LAMC2: variants seen among roughly 807,000 people sequenced by gnomAD.
LAMC2 encodes the protein laminin subunit gamma-2.
LAMC2 carries 97 observed loss-of-function variants against 140.2 expected under a neutral mutation model. The ratio of observed to expected loss-of-function variants is 0.69; its 90% confidence interval spans 0.59 to 0.82. LAMC2 has a LOEUF of 0.82. Among genes scored for constraint, LAMC2 ranks in the 40% least tolerant of loss-of-function variants. The pLI is 0.00. For missense variants in LAMC2, 1,402 were observed against 1,476.1 expected, an observed-to-expected ratio of 0.95 and a Z score of 0.82; for synonymous variants, 513 against 540.2, an observed-to-expected ratio of 0.95 and a Z score of 0.70.
Position 183,187,151 on chromosome 1 carries a change from A to G in LAMC2, c.79+720A>G, listed in dbSNP as rs115381021. On this transcript the variant is annotated intron_variant, in intron 1 of 22. Coordinates refer to ENST00000264144, the MANE Select transcript of LAMC2 (RefSeq NM_005562.3). ...GGTGTTTTCCTTGTCACTTAGTTCT[A>G]TGGATATATGCCTGTATAATTGCCC... Among the ~76,000 whole-genome samples the G allele has an allele frequency of 6.1e-3, 928 of 152,298 alleles. 8 individuals are homozygous for G. The highest frequency in any genetic ancestry group is 0.021 in the African/African-American group (877 of 41,572).
At chr1:183,193,996 G>C (rs927206860) in intron 1 of LAMC2, among the ~76,000 whole-genome samples, 2 of 152,154 alleles carry the variant, frequency 1.3e-5, no homozygotes, top group Non-Finnish European at 2.9e-5. Flanking sequence ...GAGTGCAGTG[G>C]TGCAATCTTG....
chr1:183,218,649 A>G (rs1010629959), intron 4 of LAMC2, among the ~76,000 whole-genome samples, 161 bp downstream of exon 4: 86 of 152,290 alleles, frequency 5.6e-4, no homozygotes, highest in African/African-American at 2.0e-3. Flanking sequence ...TACAACAACA[A>G]CAGCAAAAAC....
rs1179315857 is a variant in LAMC2 at position 183,235,748 on chromosome 1, C to T, written c.2456+18C>T. On this transcript the variant is annotated intron_variant, in intron 16 of 22. Transcript: ENST00000264144. ...GTGGAAAAGTACGTTCCTACGGGTC[C>T]TCCCGTGGCTCATTATACCTTGGAT... 2 of 1,613,228 alleles carry T rather than the reference C, an allele frequency of 1.2e-6. No homozygotes were observed. Among genetic ancestry groups the T allele is most frequent in the African/African-American group, 2.7e-5 (2 of 74,888 alleles).
downstream of LAMC2, chr1:183,249,517 C>G (rs986414561): frequency 1.3e-5 from 2 of 152,284 alleles, no homozygotes; most frequent in Admixed American, 6.5e-5. Flanking sequence ...GGAACAGGAC[C>G]CCAGAGACAA....
At chr1:183,239,832 G>C in intron 20 of LAMC2, 1 of 667,156 alleles carries the variant, frequency 1.5e-6, no homozygotes, top group Non-Finnish European at 2.6e-6. Context: ...TCTGGCCGCT[G>C]ACCTTCCTAG....
chr1:183,235,722 T>C lies in LAMC2; in HGVS notation c.2448T>C (p.Leu816=), dbSNP rs930602608. ...CGGACGGTGCTGTGGTGCAAGGGCT[T>C]GTGGAAAAGTACGTTCCTACGGGTC... ...GSPDGAVVQG[L]VEKLEKTKSL... is the part of the protein sequence containing the mutation. The change falls in exon 16 of 23, where the codon CTT becomes CTC. Residue 816 remains leucine (L), a synonymous_variant. Transcript: ENST00000264144. 3 of 1,614,112 alleles carry C rather than the reference T, an allele frequency of 1.9e-6. No homozygotes were observed. Among genetic ancestry groups the C allele is most frequent in the East Asian group, 2.2e-5 (1 of 44,880 alleles).
chr1:183,192,028 A>T (rs1030183345), intron 1 of LAMC2, among the ~76,000 whole-genome samples: 4 of 152,208 alleles, frequency 2.6e-5, no homozygotes, highest in African/African-American at 7.2e-5. Flanking sequence ...GCCAAAGGCT[A>T]AGTCTTTTCT....
intron 20 of LAMC2, 190 bp from the exon 21 acceptor site, chr1:183,239,850 C>T: frequency 1.4e-6 from 1 of 707,738 alleles, no homozygotes. Context: ...TAGTCATACC[C>T]CCAGATTAGC....
At chr1:183,238,862 G>A (rs1660044594) in intron 19 of LAMC2, among the ~76,000 whole-genome samples, 1 of 152,172 alleles carries the variant, frequency 6.6e-6, no homozygotes, top group South Asian at 2.1e-4. Context: ...TGATAACAGA[G>A]CAACCTTTGT....
At chr1:183,230,538 C>G (rs1659766595) in intron 11 of LAMC2, among the ~76,000 whole-genome samples, 1 of 152,208 alleles carries the variant, frequency 6.6e-6, no homozygotes, top group Admixed American at 6.5e-5. Context: ...TCTGCCTGAC[C>G]TCTCATTGTA....
chr1:183,232,494 C>G (rs991630525), intron 13 of LAMC2, 151 bp downstream of exon 13: 11 of 1,109,638 alleles, frequency 9.9e-6, no homozygotes, highest in Non-Finnish European at 1.5e-5. Flanking sequence ...TGTGGCATTC[C>G]CCCTGGGATC....
chr1:183,235,823 T>TA, intron 16 of LAMC2, 93 bp downstream of exon 16: 6 of 1,264,306 alleles, frequency 4.7e-6, no homozygotes, highest in South Asian at 1.3e-5. Context: ...ATGCTAGTTG[T>TA]AAAAAACATA....
At chr1:183,238,517 A>G (rs1660034983) in intron 19 of LAMC2, 96 bp downstream of exon 19, 1 of 780,962 alleles carries the variant, frequency 1.3e-6, no homozygotes, top group Non-Finnish European at 2.3e-6. Context: ...AGTGGCAGGT[A>G]TATTGGGATA....
At chr1:183,232,880 T>C in intron 14 of LAMC2, 23 bp downstream of exon 14, 1 of 1,609,764 alleles carries the variant, frequency 6.2e-7, no homozygotes, top group African/African-American at 1.3e-5. Context: ...TGGGCTAGAG[T>C]ATTGAGAATA....
intron 1 of LAMC2, among the ~76,000 whole-genome samples, chr1:183,206,537 T>A (rs1658890421): frequency 6.6e-6 from 1 of 151,010 alleles, no homozygotes; most frequent in South Asian, 2.1e-4. Context: ...CCCAGCTACT[T>A]GGGAGGCTGA....
At chr1:183,205,501 TA>T (rs1422618829) in intron 1 of LAMC2, among the ~76,000 whole-genome samples, 1 of 152,220 alleles carries the variant, frequency 6.6e-6, no homozygotes, top group African/African-American at 2.4e-5. Flanking sequence ...CTAGTCCTGT[TA>T]CAAGCCAAGC....
At position 183,220,931 on chromosome 1, in the gene LAMC2, G is replaced by A. The variant is rs199517004; in HGVS notation, c.610G>A (p.Val204Ile). 28 of 1,614,038 alleles carry A rather than the reference G, an allele frequency of 1.7e-5. No individual in the cohort carries two copies. The highest frequency in any genetic ancestry group is 2.2e-5 in the Non-Finnish European group (26 of 1,180,002). Reference sequence around the variant, plus strand: ...CTGCCGCAGCTCTGCAGAATACAGTGTCCATAAGATCACCTCTACCTTTCA... The same window carrying A: ...CTGCCGCAGCTCTGCAGAATACAGTATCCATAAGATCACCTCTACCTTTCA... ...ASCRSSAEYS[V>I]HKITSTFHQD... The change falls in exon 5 of 23, where the codon GTC becomes ATC. Residue 204 changes from valine (V) to isoleucine (I), a missense_variant. This residue lies in a region of LAMC2 where 723 missense variants were observed against 783.3 expected (regional missense o/e 0.92). Coordinates refer to ENST00000264144, the MANE Select transcript of LAMC2 (RefSeq NM_005562.3).
At chr1:183,208,318 G>T (rs565622195) in intron 2 of LAMC2, among the ~76,000 whole-genome samples, 1 of 152,306 alleles carries the variant, frequency 6.6e-6, no homozygotes, top group East Asian at 1.9e-4. Context: ...GGTGGAACCA[G>T]TTGGGACCTT....
chr1:183,208,983 GTT>G (rs78166475), intron 2 of LAMC2, among the ~76,000 whole-genome samples: 5,045 of 129,908 alleles, frequency 0.039, 155 homozygotes, highest in South Asian at 0.13. Context: ...CTGGCTAGTT[GTT>G]TTTTTTTTTT....
Sources: gnomAD v4.1 joint callset for allele counts (sites outside exome capture counted in the v4.1 genomes callset) on GRCh38, gnomAD v4.1.1 for gene constraint, gnomAD v4.1.1 regional missense constraint, MANE v1.5 for transcripts, NCBI Gene and HGNC (gene_info 2026-07-23, HGNC 2026-07-21) for gene names.